PNPLA1: variants seen among roughly 807,000 people sequenced by gnomAD.
The protein encoded by PNPLA1 is patatin like domain 1, omega-hydroxyceramide transacylase, also known as omega-hydroxyceramide transacylase.
Under a neutral mutation model 51.7 loss-of-function variants are expected in PNPLA1, and 36 were observed. The ratio of observed to expected loss-of-function variants is 0.70; its 90% CI spans 0.53 to 0.92. PNPLA1 has a LOEUF of 0.92. PNPLA1 is among the 40% of genes least tolerant of loss of function. The pLI is 0.00. For missense variants in PNPLA1, 658 were observed against 682.5 expected, an observed-to-expected ratio of 0.96 and a Z score of 0.40; for synonymous variants, 293 against 280.1, an observed-to-expected ratio of 1.05 and a Z score of -0.46.
chr6:36,302,373 T>C lies in PNPLA1; in HGVS notation c.1288T>C (p.Ser430Pro), dbSNP rs1241082483. The C allele has an allele frequency of 6.2e-7, 1 of 1,605,598 alleles. No individual in the cohort carries two copies. Among genetic ancestry groups the C allele is most frequent in the Non-Finnish European group, 8.5e-7 (1 of 1,174,554 alleles). ...TTCACCCAGGCCATCCCTGGGGCCT[T>C]CAACTGTGGGGGCACCTCAAACACT... ...PTSPRPSLGP[S>P]TVGAPQTLPR... Residue 430 changes from serine (S) to proline (P), a missense_variant, in exon 6 of 9, where the codon TCA (serine) becomes CCA (proline). Ser to Pro is a moderately conservative substitution (Grantham distance 74, BLOSUM62 -1). Transcript: ENST00000636260.
intron 5 of PNPLA1, 45 bp downstream of exon 5, chr6:36,295,469 G>A: frequency 6.3e-7 from 1 of 1,592,816 alleles, no homozygotes; most frequent in Non-Finnish European, 8.6e-7. Context: ...TTGGAGGGTA[G>A]GGAAAGTTCA....
In PNPLA1 at chr6:36,302,341, C is replaced by T. The variant is rs777014318; in HGVS notation, c.1256C>T (p.Ala419Val). ...CCAGCCAGATCCCTACACTCTCAGG[C>T]ACCCACTTCACCCAGGCCATCCCTG... ...GSPARSLHSQ[A>V]PTSPRPSLGP... Residue 419 changes from alanine (A) to valine (V), a missense_variant, in exon 6 of 9, where the codon GCA becomes GTA. Transcript: ENST00000636260. 1.2e-6 allele frequency: 2 copies of T among 1,613,064 alleles called. No individual in the cohort carries two copies. The highest frequency in any genetic ancestry group is 2.2e-5 in the East Asian group (1 of 44,854).
chr6:36,267,853 C>T (rs1769799401), upstream of PNPLA1, among the ~76,000 whole-genome samples: 1 of 152,046 alleles, frequency 6.6e-6, no homozygotes, highest in Non-Finnish European at 1.5e-5. Flanking sequence ...AATCATCCTC[C>T]ACCCAGCTTC....
rs368929712 is a variant in PNPLA1, at chr6:36,293,140, C to T, written c.504+14C>T. On this transcript the variant is annotated intron_variant, in intron 3 of 8. Coordinates refer to ENST00000636260, the MANE Select transcript of PNPLA1 (RefSeq NM_001374623.1). ...TACCGCGGTGTGGTGAGTGCTTCGG[C>T]ATGGTGAGGGGTGAGATGGGATCCA... 1.0e-4 allele frequency: 161 copies of T among 1,612,400 alleles called. No homozygotes were observed. Among genetic ancestry groups the T allele is most frequent in the Non-Finnish European group, 1.3e-4 (149 of 1,178,620 alleles).
chr6:36,291,731 G>A (rs1770691404), intron 2 of PNPLA1, among the ~76,000 whole-genome samples, 179 bp downstream of exon 2: 1 of 152,206 alleles, frequency 6.6e-6, no homozygotes, highest in Admixed American at 6.5e-5. Context: ...GATGGACACA[G>A]AAGCCCAGGA....
At chr6:36,287,262 C>G (rs537499367) in intron 1 of PNPLA1, among the ~76,000 whole-genome samples, 1 of 152,248 alleles carries the variant, frequency 6.6e-6, no homozygotes, top group African/African-American at 2.4e-5. Flanking sequence ...TTCCAGCCCT[C>G]AGGGGAGGTT....
chr6:36,279,745 A>G (rs1322207790), intron 1 of PNPLA1, among the ~76,000 whole-genome samples: 3 of 152,232 alleles, frequency 2.0e-5, no homozygotes, highest in South Asian at 2.1e-4. Flanking sequence ...TCATGGATGC[A>G]TTCCTGGCCC....
Position 36,298,830 on chromosome 6 carries a change from C to T in PNPLA1, c.776-3031C>T, listed in dbSNP as rs535279366. On this transcript the variant is annotated intron_variant, in intron 5 of 8. Coordinates refer to ENST00000636260, the MANE Select transcript of PNPLA1 (RefSeq NM_001374623.1). ...CTCAGCTCACTGCAACCTCTGCCACCTGGGTTCAAGCGATTCTCCCGCCTC... is the reference window on the plus strand; with the variant it reads ...CTCAGCTCACTGCAACCTCTGCCACTTGGGTTCAAGCGATTCTCCCGCCTC... Among the ~76,000 whole-genome samples, 3 of 152,304 alleles carry T rather than the reference C, an allele frequency of 2.0e-5. No homozygotes were observed. The South Asian group carries it at 6.2e-4, about 32-fold the overall frequency.
At chr6:36,267,280 CTT>C (rs1329151401), upstream of PNPLA1, among the ~76,000 whole-genome samples, 2 of 152,194 alleles carry the variant, frequency 1.3e-5, no homozygotes, top group African/African-American at 4.8e-5. Context: ...TGAAAGGAAC[CTT>C]CTCAAGAGTT....
chr6:36,292,516 C>T (rs867739553), intron 2 of PNPLA1, among the ~76,000 whole-genome samples: 1 of 152,182 alleles, frequency 6.6e-6, no homozygotes, highest in Non-Finnish European at 1.5e-5. Flanking sequence ...CCCTCCTTCC[C>T]ACACTGCTTT....
In PNPLA1 at chr6:36,306,226, A is replaced by G. The variant is rs1582105452; in HGVS notation, c.1385-66A>G. On this transcript the variant is annotated intron_variant, in intron 6 of 8. Transcript: ENST00000636260. ...ACATTCTCATTTACTGACTATTGCT[A>G]TTTCAAAAATGACTCCATATCCCCC... The G allele has an allele frequency of 1.1e-5, 13 of 1,195,618 alleles. No individual in the cohort carries two copies. In the South Asian group the frequency reaches 1.5e-4, roughly 14 times the overall value. The allele number at this position is 1,195,618 out of a possible 1,614,324, so 74.1% of individuals were successfully genotyped here. A position where few individuals can be genotyped will look rare whatever the true frequency, so the allele number is the denominator to read the frequency against.
intron 5 of PNPLA1, among the ~76,000 whole-genome samples, chr6:36,297,283 A>G (rs1770887332): frequency 6.6e-6 from 1 of 152,168 alleles, no homozygotes; most frequent in South Asian, 2.1e-4. Context: ...TTCTCAGCGC[A>G]GATTTCACCT....
At chr6:36,307,096 C>G (rs1254117750) in intron 7 of PNPLA1, among the ~76,000 whole-genome samples, 3 of 152,168 alleles carry the variant, frequency 2.0e-5, no homozygotes, top group Non-Finnish European at 4.4e-5. Context: ...CCTCTCATCC[C>G]TCCCTGCCTT....
intron 1 of PNPLA1, among the ~76,000 whole-genome samples, chr6:36,271,215 G>A (rs1769907171): frequency 1.3e-5 from 2 of 152,172 alleles, no homozygotes; most frequent in Admixed American, 1.3e-4. Flanking sequence ...GGGGTGGGGA[G>A]AGAATACAGA....
At chr6:36,275,015 G>C (rs528848503) in intron 1 of PNPLA1, among the ~76,000 whole-genome samples, 1 of 152,136 alleles carries the variant, frequency 6.6e-6, no homozygotes, top group Admixed American at 6.5e-5. Flanking sequence ...GATGTCTTTT[G>C]TTATTCAGAT....
At chr6:36,300,178 T>TGTGTGAGA in intron 5 of PNPLA1, among the ~76,000 whole-genome samples, 1 of 98,086 alleles carries the variant, frequency 1.0e-5, no homozygotes, top group African/African-American at 3.3e-5. Context: ...TGTGTGTGTG[T>TGTGTGAGA]GAGAGAGAGA....
chr6:36,263,654 T>G (rs1251675453), intron 1 of PNPLA1, among the ~76,000 whole-genome samples: 2 of 152,038 alleles, frequency 1.3e-5, no homozygotes, highest in African/African-American at 4.8e-5. Flanking sequence ...TAACCATGCT[T>G]TCTTATTTTG....
chr6:36,292,075 T>A (rs1339962816), intron 2 of PNPLA1, among the ~76,000 whole-genome samples: 1 of 152,142 alleles, frequency 6.6e-6, no homozygotes, highest in African/African-American at 2.4e-5. Flanking sequence ...TTAATATTAA[T>A]TTTAGTTATG....
In PNPLA1 at chr6:36,313,768, C is replaced by T. The variant is rs531847852; in HGVS notation, c.*1882C>T. Among the ~76,000 whole-genome samples, 1 of 152,306 alleles carries T rather than the reference C, an allele frequency of 6.6e-6. No homozygotes were observed. Among genetic ancestry groups the T allele is most frequent in the South Asian group, 2.1e-4 (1 of 4,826 alleles). On this transcript the variant is annotated 3_prime_UTR_variant, in exon 9 of 9. Coordinates refer to ENST00000636260, the MANE Select transcript of PNPLA1 (RefSeq NM_001374623.1). ...CTCCATGTTTGCAGAAGCCTGAGGC[C>T]TGGGAAACTAGGGGGAGGAGAGTGT...
Sources: gnomAD v4.1 joint callset for allele counts (sites outside exome capture counted in the v4.1 genomes callset) on GRCh38, gnomAD v4.1.1 for gene constraint, MANE v1.5 for transcripts, NCBI Gene and HGNC (gene_info 2026-07-23, HGNC 2026-07-21) for gene names.